PPP6R2: variants seen among roughly 807,000 people sequenced by gnomAD.
PPP6R2 encodes serine/threonine-protein phosphatase 6 regulatory subunit 2.
PPP6R2 carries 62 observed loss-of-function variants against 100.2 expected under a neutral mutation model. The ratio of observed to expected loss-of-function variants is 0.62; its 90% CI spans 0.50 to 0.76. The LOEUF (loss-of-function observed/expected upper bound fraction) is 0.76, where lower values mean the gene tolerates loss of function less well. Ranked by LOEUF, PPP6R2 falls within the 30% of genes least tolerant of loss-of-function variation. The probability of loss-of-function intolerance (pLI) is 0.00; values close to 1 mark genes in which losing one functional copy is unlikely to be tolerated. For missense variants in PPP6R2, 1,142 were observed against 1,276.3 expected (o/e 0.89, Z 1.60); for synonymous variants, 525 against 514.7 (o/e 1.02, Z -0.27).
At chr22:50,356,795 C>T (rs1342891998) in intron 1 of PPP6R2, among the ~76,000 whole-genome samples, 3 of 151,818 alleles carry the variant, frequency 2.0e-5, no homozygotes, top group African/African-American at 4.8e-5. Flanking sequence ...ATTAGCCGGC[C>T]ATGGTGGCCG....
At chr22:50,419,280 G>A in intron 7 of PPP6R2, 69 bp from the exon 8 acceptor site, 20 of 1,391,778 alleles carry the variant, frequency 1.4e-5, no homozygotes, top group South Asian at 1.3e-4. Flanking sequence ...CGGGGAGGAA[G>A]GAGCATCCTT....
chr22:50,443,170 CT>C (rs2066154537), intron 22 of PPP6R2: 1 of 152,246 alleles, frequency 6.6e-6, no homozygotes, highest in Non-Finnish European at 1.5e-5. Context: ...CAAAACAAAC[CT>C]TTACCCACTT....
intron 2 of PPP6R2, chr22:50,391,965 A>G (rs1202021552): frequency 6.9e-6 from 1 of 145,942 alleles, no homozygotes; most frequent in Non-Finnish European, 1.5e-5. Context: ...AAAAAAAAAA[A>G]GCCTTGACAA....
intron 3 of PPP6R2, among the ~76,000 whole-genome samples, chr22:50,394,595 G>C (rs568600220): frequency 0.01 from 936 of 92,232 alleles, 12 homozygotes; most frequent in African/African-American, 0.039. Flanking sequence ...GTGAAACCCT[G>C]TCTTTAAAAA....
At chr22:50,381,366 C>T (rs375874488) in intron 2 of PPP6R2, among the ~76,000 whole-genome samples, 9 of 65,948 alleles carry the variant, frequency 1.4e-4, no homozygotes, top group East Asian at 1.1e-3. Context: ...CACCTCAGCA[C>T]CACACGGGCC....
At chr22:50,374,911 CA>C (rs60035779) in intron 2 of PPP6R2, among the ~76,000 whole-genome samples, 7,547 of 80,738 alleles carry the variant, frequency 0.093, 213 homozygotes, top group East Asian at 0.24. Flanking sequence ...GACTCTGTCT[CA>C]AAAAAAAAAA....
intron 3 of PPP6R2, among the ~76,000 whole-genome samples, chr22:50,394,600 TAAAAAAAAA>T (rs67708136): frequency 1.2e-5 from 1 of 80,564 alleles, no homozygotes; most frequent in Non-Finnish European, 2.3e-5. Flanking sequence ...ACCCTGTCTT[TAAAAAAAAA>T]AAAAAAAAAA....
chr22:50,414,717 C>A, intron 5 of PPP6R2, 28 bp downstream of exon 5: 1 of 1,604,128 alleles, frequency 6.2e-7, no homozygotes, highest in Non-Finnish European at 8.5e-7. Context: ...CCCCCGTTCC[C>A]GAGGGCAGGG....
intron 2 of PPP6R2, among the ~76,000 whole-genome samples, chr22:50,386,365 T>TC (rs994533672): frequency 1.1e-4 from 16 of 152,150 alleles, no homozygotes; most frequent in African/African-American, 3.6e-4. Context: ...GGTCTCAAAC[T>TC]CCTGACCTCA....
chr22:50,401,335 T>C (rs2057990446), intron 3 of PPP6R2, among the ~76,000 whole-genome samples: 1 of 151,264 alleles, frequency 6.6e-6, no homozygotes, highest in Non-Finnish European at 1.5e-5. Context: ...GCCTCCCGTG[T>C]AGCTGGAACT....
intron 8 of PPP6R2, among the ~76,000 whole-genome samples, chr22:50,421,343 T>G (rs746161997): frequency 4.6e-5 from 7 of 151,906 alleles, no homozygotes; most frequent in South Asian, 2.1e-4. Flanking sequence ...TTATTGTGAT[T>G]ATTATTATTA....
At chr22:50,351,117 C>G (rs369419885) in intron 1 of PPP6R2, among the ~76,000 whole-genome samples, 1 of 137,998 alleles carries the variant, frequency 7.2e-6, no homozygotes, top group Non-Finnish European at 1.5e-5. Context: ...CTTGGCTCAC[C>G]GCAACCTAAG....
chr22:50,364,270 G>T (rs58971390), intron 1 of PPP6R2, among the ~76,000 whole-genome samples: 2,246 of 152,206 alleles, frequency 0.015, 21 homozygotes, highest in East Asian at 0.031. Flanking sequence ...TGGGAACTTG[G>T]TATATGAGAG....
At chr22:50,427,814 A>G (rs925037756) in intron 10 of PPP6R2, among the ~76,000 whole-genome samples, 2 of 152,090 alleles carry the variant, frequency 1.3e-5, no homozygotes, top group Admixed American at 6.6e-5. Flanking sequence ...TCCGCCCCCC[A>G]GGTTCACGCC....
chr22:50,332,770 C>T, the PPP6R2 span, among the ~76,000 whole-genome samples: 1 of 151,508 alleles, frequency 6.6e-6, no homozygotes. Flanking sequence ...ACTACAGGCA[C>T]GCACCACCAC....
intron 1 of PPP6R2, among the ~76,000 whole-genome samples, chr22:50,352,338 G>T (rs2045483107): frequency 6.6e-6 from 1 of 152,192 alleles, no homozygotes; most frequent in African/African-American, 2.4e-5. Context: ...TTCTTCTGCA[G>T]CTTCGTCATC....
At chr22:50,397,333 T>C (rs375924410) in intron 3 of PPP6R2, among the ~76,000 whole-genome samples, 1 of 152,146 alleles carries the variant, frequency 6.6e-6, no homozygotes, top group Non-Finnish European at 1.5e-5. Flanking sequence ...TAAATTACCC[T>C]GTGACTCGGA....
At chr22:50,402,801 G>A (rs1035862577) in intron 3 of PPP6R2, among the ~76,000 whole-genome samples, 12 of 152,166 alleles carry the variant, frequency 7.9e-5, no homozygotes, top group African/African-American at 2.7e-4. Context: ...GTCATTTGAA[G>A]AATAACTGTA....
At chr22:50,408,555 G>C (rs2059308030) in intron 4 of PPP6R2, among the ~76,000 whole-genome samples, 1 of 152,152 alleles carries the variant, frequency 6.6e-6, no homozygotes. Context: ...ATGGGAGTGG[G>C]AGTGGAGGCA....
Sources: allele counts gnomAD v4.1 joint callset (sites outside exome capture counted in the v4.1 genomes callset), GRCh38; gene constraint gnomAD v4.1.1; transcripts MANE v1.5; gene names NCBI Gene and HGNC (gene_info 2026-07-23, HGNC 2026-07-21).